TMCO6: variants seen among roughly 807,000 people sequenced by gnomAD.
The protein encoded by TMCO6 is transmembrane and coiled-coil domains 6.
TMCO6 carries 47 observed loss-of-function variants against 61.8 expected under a neutral mutation model. The observed-to-expected ratio is 0.76, with a 90% CI of 0.60 to 0.97. The LOEUF is 0.97. TMCO6 is among the 50% of genes least tolerant of loss of function. TMCO6 has a pLI of 0.00. For missense variants in TMCO6, 557 were observed against 601.6 expected (o/e 0.93, Z 0.78); for synonymous variants, 261 against 254.2 (o/e 1.03, Z -0.25).
the TMCO6 span, among the ~76,000 whole-genome samples, chr5:140,613,394 A>T: frequency 2.8e-4 from 12 of 42,264 alleles, 1 homozygote; most frequent in Admixed American, 9.8e-4. Flanking sequence ...ACTAAAAAAA[A>T]AAAAAAAAAA....
the TMCO6 span, chr5:140,632,841 G>A: frequency 2.5e-6 from 4 of 1,614,078 alleles, no homozygotes; most frequent in African/African-American, 1.3e-5. The surrounding 1 kb of genome is among the most constrained non-coding windows in gnomAD (Gnocchi z 6.2). Context: ...ACACTGGAAG[G>A]CTTCGGACCA....
At position 140,644,676 on chromosome 5, in the gene TMCO6, C is replaced by G; in HGVS notation, c.1304C>G (p.Ser435Cys). Residue 435 changes from serine to cysteine, a missense_variant, in exon 11 of 12, where the codon TCT becomes TGT. Coordinates refer to ENST00000394671, the MANE Select transcript of TMCO6 (RefSeq NM_018502.5). ...LPALLHTLAF[S>C]DTEVVGQSLE... The stretch of plus-strand genomic sequence containing the variant: ...GCCTTGCTGCACACACTAGCCTTTT[C>G]TGACACTGAAGTAGTAGGCCAGAGT... The G allele has an allele frequency of 6.2e-7, 1 of 1,614,262 alleles. No individual in the cohort carries two copies. The highest frequency in any genetic ancestry group is 8.5e-7 in the Non-Finnish European group (1 of 1,180,056).
At chr5:140,642,146 C>CT in intron 4 of TMCO6, 93 bp downstream of exon 4, 3 of 1,508,874 alleles carry the variant, frequency 2.0e-6, no homozygotes, top group Non-Finnish European at 2.7e-6. Flanking sequence ...AGGAAGAAAA[C>CT]ATGTTTGCCC....
the TMCO6 span, among the ~76,000 whole-genome samples, chr5:140,608,010 G>A: frequency 2.0e-5 from 3 of 152,118 alleles, no homozygotes; most frequent in Non-Finnish European, 4.4e-5. Context: ...GGCTGGTCTC[G>A]AAATCCTGAC....
chr5:140,601,447 G>A, the TMCO6 span, among the ~76,000 whole-genome samples: 1 of 152,184 alleles, frequency 6.6e-6, no homozygotes, highest in Non-Finnish European at 1.5e-5. Flanking sequence ...AATCATATTT[G>A]TCCAGGGCCC....
At chr5:140,620,334 T>C in the TMCO6 span, among the ~76,000 whole-genome samples, 13 of 152,322 alleles carry the variant, frequency 8.5e-5, no homozygotes, top group South Asian at 1.9e-3. Context: ...CAAAACTATA[T>C]TGACAGTTTA....
chr5:140,609,366 TG>T, the TMCO6 span: 1 of 257,490 alleles, frequency 3.9e-6, no homozygotes, highest in Non-Finnish European at 8.4e-6. Context: ...AGCAACATCC[TG>T]GCCGCCAAGA....
At chr5:140,633,059 C>T in the TMCO6 span, 1 of 1,614,180 alleles carries the variant, frequency 6.2e-7, no homozygotes, top group Non-Finnish European at 8.5e-7. Flanking sequence ...CCCCAAGACC[C>T]TACACTCACC....
At chr5:140,602,451 T>C in the TMCO6 span, among the ~76,000 whole-genome samples, 4 of 152,314 alleles carry the variant, frequency 2.6e-5, no homozygotes, top group South Asian at 8.3e-4. Flanking sequence ...GTGAAATTCA[T>C]GTTACATATA....
At chr5:140,644,771 C>A (rs554096104) in intron 11 of TMCO6, 31 bp downstream of exon 11, 9 of 1,611,662 alleles carry the variant, frequency 5.6e-6, no homozygotes, top group Non-Finnish European at 7.6e-6. Context: ...TCCTCAGTCA[C>A]CCCTGTTCTG....
At chr5:140,642,476 A>G (rs1757102623) in intron 5 of TMCO6, 57 bp downstream of exon 5, 4 of 1,604,804 alleles carry the variant, frequency 2.5e-6, no homozygotes, top group South Asian at 2.2e-5. Flanking sequence ...CACATGCTCC[A>G]TCTACTTTGG....
chr5:140,642,863 G>A (rs1204160656), intron 6 of TMCO6, 62 bp from the exon 7 acceptor site: 4 of 1,613,094 alleles, frequency 2.5e-6, no homozygotes, highest in Non-Finnish European at 3.4e-6. Flanking sequence ...CTGCTATCAG[G>A]GTTTGGTAAG....
rs546348280 is a variant in TMCO6 at position 140,641,919 on chromosome 5, G to A, written c.364G>A (p.Ala122Thr). The A allele has an allele frequency of 1.4e-5, 22 of 1,613,694 alleles. No homozygotes were observed. In the South Asian group the frequency reaches 2.3e-4, roughly 17 times the overall value. Residue 122 changes from alanine to threonine, a missense_variant, in exon 4 of 12, where the codon GCC becomes ACC. Coordinates refer to ENST00000394671, the MANE Select transcript of TMCO6 (RefSeq NM_018502.5). ...TLVGLLTSNQ[A>T]LLQLEAARCL... Reference sequence around the variant, plus strand: ...GGTCGGGCTCCTGACCAGCAACCAGGCCCTGCTGCAGCTTGAGGCGGCTCG... The same window carrying A: ...GGTCGGGCTCCTGACCAGCAACCAGACCCTGCTGCAGCTTGAGGCGGCTCG...
chr5:140,632,648 C>G, the TMCO6 span: 2 of 1,613,770 alleles, frequency 1.2e-6, no homozygotes, highest in Non-Finnish European at 1.7e-6. The surrounding 1 kb of genome is among the most constrained non-coding windows in gnomAD (Gnocchi z 6.2). Context: ...AGTACGCTAG[C>G]ACACGCAGGG....
At chr5:140,638,354 A>C (rs1437518519), upstream of TMCO6, among the ~76,000 whole-genome samples, 1 of 152,134 alleles carries the variant, frequency 6.6e-6, no homozygotes. Flanking sequence ...CTTTCCAAAT[A>C]ATGAAAGGAA....
At chr5:140,612,241 C>T in the TMCO6 span, among the ~76,000 whole-genome samples, 1 of 152,096 alleles carries the variant, frequency 6.6e-6, no homozygotes, top group Non-Finnish European at 1.5e-5. Flanking sequence ...GGAGCCCTTG[C>T]ATCTCTCAGT....
rs762195529 is a variant in TMCO6 at position 140,644,733 on chromosome 5, A to G, written c.1361A>G (p.Gln454Arg). The stretch of plus-strand genomic sequence containing the variant: ...CTGCTGCATCTGCTGTTCCTGTATC[A>G]GCCAGAGGTATAGGTTTCTGGCCCA... Reference protein sequence around the residue: ...LELLHLLFLYQPEAVQVFLQQ... With the variant: ...LELLHLLFLYRPEAVQVFLQQ... The change falls in exon 11 of 12, where the codon CAG (glutamine) becomes CGG (arginine). Residue 454 changes from glutamine to arginine, a missense_variant. By Grantham distance (43) the Gln-to-Arg change is conservative (BLOSUM62 1). Coordinates refer to ENST00000394671, the MANE Select transcript of TMCO6 (RefSeq NM_018502.5). The G allele has an allele frequency of 8.7e-6, 14 of 1,614,202 alleles. No individual in the cohort carries two copies. Among genetic ancestry groups the G allele is most frequent in the Non-Finnish European group, 1.1e-5 (13 of 1,180,024 alleles).
the TMCO6 span, chr5:140,632,381 C>G: frequency 6.2e-7 from 1 of 1,614,200 alleles, no homozygotes; most frequent in East Asian, 2.2e-5. This position sits in a 1 kb window ranked among gnomAD's most constrained non-coding sequence, Gnocchi z 6.2. Flanking sequence ...GATTGTCAGA[C>G]AGGTCTAGGC....
rs192811666 is a variant in TMCO6 at position 140,641,542 on chromosome 5, T to C, written c.199-123T>C. 97 of 741,248 alleles carry C rather than the reference T, an allele frequency of 1.3e-4. 1 individual carries two copies. In the East Asian group the frequency reaches 2.5e-3, roughly 19 times the overall value. 45.9% of individuals were successfully genotyped at this position (741,248 alleles called of 1,614,324 possible). ...CAAGGTAGATGCTTATTAGTTGCAT[T>C]AGTGTGAATGACAAGTTCTGAAGGT... On this transcript the variant is annotated intron_variant, in intron 2 of 11. Coordinates refer to ENST00000394671, the MANE Select transcript of TMCO6 (RefSeq NM_018502.5).
Sources: allele counts gnomAD v4.1 joint callset (sites outside exome capture counted in the v4.1 genomes callset), GRCh38; gene constraint gnomAD v4.1.1; non-coding constraint Gnocchi (gnomAD v3.1); transcripts MANE v1.5; gene names NCBI Gene and HGNC (gene_info 2026-07-23, HGNC 2026-07-21).